Variants in KCNG3 observed in about 807,000 individuals in gnomAD.
KCNG3 encodes the protein voltage-gated potassium channel regulatory subunit KCNG3.
In KCNG3, 15 loss-of-function variants were observed where a neutral mutation model predicts 29.0. That is an observed-to-expected ratio of 0.52 (90% confidence interval 0.35 to 0.80). KCNG3 has a LOEUF of 0.80. KCNG3 is among the 30% of genes least tolerant of loss of function. The probability of loss-of-function intolerance (pLI) is 0.01; values close to 1 mark genes in which losing one functional copy is unlikely to be tolerated. For missense variants in KCNG3, 512 were observed against 605.7 expected (o/e 0.85, Z 1.62); for synonymous variants, 322 against 248.9 (o/e 1.29, Z -2.76).
chr2:42,444,397 C>T lies in KCNG3; in HGVS notation c.848G>A (p.Arg283Lys). ...AAGTACCCTCAAGGTGACTCCAGCC[C>T]TCTGGAGTTGAGAGTTCTCGCCTGT... ...VFTGENSQLQRAGVTLRVLRM... is the reference protein window; with the variant it reads ...VFTGENSQLQKAGVTLRVLRM... The change falls in exon 2 of 2, where the codon AGG becomes AAG. Residue 283 changes from arginine (R) to lysine (K), a missense_variant. Coordinates refer to ENST00000306078, the MANE Select transcript of KCNG3 (RefSeq NM_133329.6). This position sits in a 1 kb window ranked among gnomAD's most constrained non-coding sequence, Gnocchi z 5.8. 6.2e-7 allele frequency: 1 copy of T among 1,613,988 alleles called. No individual in the cohort carries two copies. The highest frequency in any genetic ancestry group is 8.5e-7 in the Non-Finnish European group (1 of 1,179,884).
At chr2:42,465,351 G>A (rs974795495) in intron 1 of KCNG3, among the ~76,000 whole-genome samples, 1 of 151,736 alleles carries the variant, frequency 6.6e-6, no homozygotes, top group Admixed American at 6.6e-5. Context: ...CAAGTAGCTC[G>A]GACTACAGGT....
the KCNG3 span, among the ~76,000 whole-genome samples, chr2:42,419,784 G>C: frequency 2.0e-5 from 3 of 152,168 alleles, no homozygotes; most frequent in African/African-American, 7.2e-5. Flanking sequence ...CTAACAAACA[G>C]CAGCAATGAG....
rs1436014006 is a variant in KCNG3 at position 42,444,128 on chromosome 2, T to C, written c.1117A>G (p.Thr373Ala). 1 of 1,614,152 alleles carries C rather than the reference T, an allele frequency of 6.2e-7. No individual in the cohort carries two copies. Among genetic ancestry groups the C allele is most frequent in the Admixed American group, 1.7e-5 (1 of 60,020 alleles). ...GGATACATATCTCCATAGCCAACTG[T>C]AGTCATAGAGATAATCACCCACCAG... is the stretch of plus-strand genomic sequence containing the variant. The part of the protein sequence containing the change: ...ACWWVIISMT[T>A]VGYGDMYPIT... Residue 373 changes from threonine to alanine, a missense_variant, in exon 2 of 2, where the codon ACA becomes GCA. Thr to Ala is a moderately conservative substitution (Grantham distance 58). Transcript: ENST00000306078. This position sits in a 1 kb window ranked among gnomAD's most constrained non-coding sequence, Gnocchi z 5.8.
At chr2:42,452,749 T>A (rs1179629293) in intron 1 of KCNG3, among the ~76,000 whole-genome samples, 1 of 147,834 alleles carries the variant, frequency 6.8e-6, no homozygotes, top group African/African-American at 2.5e-5. Flanking sequence ...AAGTACCACA[T>A]TTCCTTTATA....
At chr2:42,411,287 G>A in the KCNG3 span, among the ~76,000 whole-genome samples, 1 of 151,938 alleles carries the variant, frequency 6.6e-6, no homozygotes, top group African/African-American at 2.4e-5. Context: ...AGGAATATTA[G>A]AATCAGCATA....
chr2:42,435,472 A>G, the KCNG3 span, among the ~76,000 whole-genome samples: 4 of 152,236 alleles, frequency 2.6e-5, no homozygotes, highest in African/African-American at 9.6e-5. Flanking sequence ...TACCACTAAG[A>G]AAGTGAAAAG....
the KCNG3 span, among the ~76,000 whole-genome samples, chr2:42,426,048 T>C: frequency 3.9e-5 from 6 of 152,340 alleles, no homozygotes; most frequent in East Asian, 7.7e-4. Context: ...CAGATGTGCA[T>C]ACAACATACT....
intron 1 of KCNG3, 32 bp downstream of exon 1, chr2:42,492,805 G>A (rs533907084): frequency 2.1e-6 from 3 of 1,441,014 alleles, no homozygotes; most frequent in East Asian, 5.3e-5. Flanking sequence ...CGACAGGACG[G>A]ACGGGACGGG....
chr2:42,414,786 T>C, the KCNG3 span, among the ~76,000 whole-genome samples: 12 of 152,314 alleles, frequency 7.9e-5, no homozygotes, highest in South Asian at 2.5e-3. Context: ...AAGAGTTGTC[T>C]TCAGTTCCAT....
intron 1 of KCNG3, among the ~76,000 whole-genome samples, chr2:42,461,796 G>A (rs1251917519): frequency 6.6e-6 from 1 of 152,056 alleles, no homozygotes; most frequent in African/African-American, 2.4e-5. Context: ...CAGTTCATTA[G>A]TAAAAGAATT....
rs1209552387 is a variant in KCNG3 at position 42,448,977 on chromosome 2, CA to C, written c.666-4399del. On this transcript the variant is annotated intron_variant, in intron 1 of 1. Transcript: ENST00000306078. ...TGGGTGACAGAGCGAGACTCCGTCT[CA>C]AAAAAAAAAACAAAACAAAAAAACA... Among the ~76,000 whole-genome samples, 1,047 of 137,388 alleles carry C rather than the reference CA, an allele frequency of 7.6e-3. 10 individuals are homozygous for C. The highest frequency in any genetic ancestry group is 0.026 in the African/African-American group (993 of 37,732). 90.1% of individuals were successfully genotyped at this position (137,388 alleles called of 152,430 possible).
the KCNG3 span, among the ~76,000 whole-genome samples, chr2:42,411,133 T>C: frequency 6.6e-6 from 1 of 152,204 alleles, no homozygotes; most frequent in Non-Finnish European, 1.5e-5. Flanking sequence ...TCTGTTCTGT[T>C]TTATTGATAT....
At chr2:42,445,670 A>T (rs538987420) in intron 1 of KCNG3, among the ~76,000 whole-genome samples, 1 of 152,314 alleles carries the variant, frequency 6.6e-6, no homozygotes, top group Admixed American at 6.5e-5. Context: ...CCCTTTCTGC[A>T]TTACTGCATG....
At chr2:42,406,534 G>C in the KCNG3 span, among the ~76,000 whole-genome samples, 7 of 150,638 alleles carry the variant, frequency 4.6e-5, no homozygotes, top group Non-Finnish European at 1.0e-4. Context: ...GCATTATTAA[G>C]AGGTGAGGCA....
intron 1 of KCNG3, among the ~76,000 whole-genome samples, chr2:42,486,418 T>C (rs1452732624): frequency 1.3e-5 from 2 of 152,220 alleles, no homozygotes; most frequent in Non-Finnish European, 2.9e-5. Flanking sequence ...CTCTACCCAG[T>C]GGTGTTTTTA....
intron 1 of KCNG3, among the ~76,000 whole-genome samples, chr2:42,485,619 T>C (rs1329039385): frequency 5.3e-5 from 8 of 152,062 alleles, no homozygotes; most frequent in African/African-American, 1.9e-4. Flanking sequence ...TAATTTTGTT[T>C]TTGTATTTTT....
At chr2:42,415,272 A>G in the KCNG3 span, among the ~76,000 whole-genome samples, 40 of 152,306 alleles carry the variant, frequency 2.6e-4, no homozygotes, top group South Asian at 8.3e-3. Context: ...TCATATGTAC[A>G]GATGTTTCCC....
downstream of KCNG3, among the ~76,000 whole-genome samples, chr2:42,441,033 A>G (rs1672461072): frequency 6.6e-6 from 1 of 152,182 alleles, no homozygotes; most frequent in African/African-American, 2.4e-5. Context: ...CTGAGTTATA[A>G]GAGATGTCTG....
rs1281885853 is a variant in KCNG3 at position 42,442,698 on chromosome 2, A to G, written c.*1236T>C. ...CTTCTTTATGGTAACTGGTTGAAAAAGCAAAATTCTAATTTCTGTTGCTAA... is the reference window on the plus strand; with the variant it reads ...CTTCTTTATGGTAACTGGTTGAAAAGGCAAAATTCTAATTTCTGTTGCTAA... On this transcript the variant is annotated 3_prime_UTR_variant, in exon 2 of 2. Coordinates refer to ENST00000306078, the MANE Select transcript of KCNG3 (RefSeq NM_133329.6). 6.6e-6 allele frequency: 1 copy of G among 152,198 alleles called. No homozygotes were observed. The highest frequency in any genetic ancestry group is 6.5e-5 in the Admixed American group (1 of 15,274). The allele number at this position is 152,198 out of a possible 1,614,324, so 9.4% of individuals were successfully genotyped here.
Sources: gnomAD v4.1 joint callset for allele counts (sites outside exome capture counted in the v4.1 genomes callset) on GRCh38, gnomAD v4.1.1 for gene constraint, Gnocchi (gnomAD v3.1) non-coding constraint, MANE v1.5 for transcripts, NCBI Gene and HGNC (gene_info 2026-07-23, HGNC 2026-07-21) for gene names.